The following PDZRN4 variants were observed in gnomAD, a reference collection of about 807,000 sequenced individuals.
PDZRN4 encodes the protein PDZ domain-containing RING finger protein 4.
Under a neutral mutation model 99.0 loss-of-function variants are expected in PDZRN4, and 70 were observed. The observed-to-expected ratio is 0.71, with a 90% CI of 0.58 to 0.86. The LOEUF (loss-of-function observed/expected upper bound fraction) is 0.86. Among genes scored for constraint, PDZRN4 ranks in the 40% least tolerant of loss-of-function variants. PDZRN4 has a pLI of 0.00. For missense variants in PDZRN4, 1,474 were observed against 1,331.2 expected (o/e 1.11, Z -1.67); for synonymous variants, 551 against 501.6 (o/e 1.10, Z -1.32).
intron 3 of PDZRN4, among the ~76,000 whole-genome samples, chr12:41,239,618 G>A (rs934090436): frequency 6.6e-6 from 1 of 152,164 alleles, no homozygotes; most frequent in African/African-American, 2.4e-5. Context: ...CCAGGTAAAA[G>A]GTGCCATATG....
intron 3 of PDZRN4, among the ~76,000 whole-genome samples, chr12:41,416,433 T>C (rs933086091): frequency 6.6e-6 from 1 of 152,000 alleles, no homozygotes; most frequent in Non-Finnish European, 1.5e-5. Flanking sequence ...TCACCTGAGG[T>C]CAGGAGTTTG....
chr12:41,474,408 A>C (rs918110934), intron 3 of PDZRN4, among the ~76,000 whole-genome samples: 2 of 152,234 alleles, frequency 1.3e-5, no homozygotes, highest in Non-Finnish European at 2.9e-5. Flanking sequence ...AAATGAATGC[A>C]TTTAAACTAC....
intron 3 of PDZRN4, among the ~76,000 whole-genome samples, chr12:41,284,643 T>C (rs1951410882): frequency 6.6e-6 from 1 of 152,088 alleles, no homozygotes; most frequent in Middle Eastern, 3.4e-3. Context: ...CATCATCGTA[T>C]TAGTACCAAA....
intron 7 of PDZRN4, among the ~76,000 whole-genome samples, chr12:41,559,096 C>G (rs1939220295): frequency 6.6e-6 from 1 of 152,148 alleles, no homozygotes; most frequent in Non-Finnish European, 1.5e-5. Context: ...GCCCTGCCCT[C>G]ACTGTGTAGC....
chr12:41,470,937 C>A (rs536136455), intron 3 of PDZRN4, among the ~76,000 whole-genome samples: 2 of 152,288 alleles, frequency 1.3e-5, no homozygotes, highest in African/African-American at 2.4e-5. Flanking sequence ...AGACAATAAA[C>A]AGCCTAGAAG....
chr12:41,512,241 A>T (rs1361076960), intron 5 of PDZRN4, among the ~76,000 whole-genome samples: 2 of 152,092 alleles, frequency 1.3e-5, no homozygotes, highest in East Asian at 3.9e-4. Context: ...GCATGGGATT[A>T]GGAAGCTCCT....
At chr12:41,343,335 CT>C (rs2121019373) in intron 3 of PDZRN4, among the ~76,000 whole-genome samples, 1 of 152,040 alleles carries the variant, frequency 6.6e-6, no homozygotes, top group South Asian at 2.1e-4. Flanking sequence ...AAACTTCTCT[CT>C]TCTTTTCTTG....
intron 3 of PDZRN4, among the ~76,000 whole-genome samples, chr12:41,432,564 T>A (rs539871170): frequency 6.0e-4 from 91 of 152,294 alleles, no homozygotes; most frequent in African/African-American, 2.2e-3. Context: ...ATTCTATGAG[T>A]TTTGGGGGCT....
At chr12:41,423,610 C>T (rs1048072853) in intron 3 of PDZRN4, among the ~76,000 whole-genome samples, 1 of 152,102 alleles carries the variant, frequency 6.6e-6, no homozygotes, top group African/African-American at 2.4e-5. Context: ...GGCATACTGT[C>T]ATAAAAATGT....
chr12:41,225,820 G>A (rs529936473), intron 3 of PDZRN4, among the ~76,000 whole-genome samples: 88 of 152,184 alleles, frequency 5.8e-4, no homozygotes, highest in African/African-American at 2.0e-3. Flanking sequence ...ACAGCTATAA[G>A]GTGTTGTAGG....
intron 3 of PDZRN4, chr12:41,410,071 T>C (rs560073849): frequency 1.3e-5 from 2 of 152,224 alleles, no homozygotes; most frequent in South Asian, 4.1e-4. Context: ...GACTTCAACA[T>C]ATTTTTTGGA....
chr12:41,191,998 G>A (rs1175333316), intron 2 of PDZRN4, among the ~76,000 whole-genome samples: 2 of 151,712 alleles, frequency 1.3e-5, no homozygotes, highest in East Asian at 3.9e-4. Context: ...GGCCAGGCTC[G>A]TTTTGAACTC....
At chr12:41,498,534 A>T (rs1255770352) in intron 3 of PDZRN4, among the ~76,000 whole-genome samples, 1 of 152,152 alleles carries the variant, frequency 6.6e-6, no homozygotes, top group African/African-American at 2.4e-5. Flanking sequence ...TTTGGGAAGG[A>T]GAGTAAACAC....
chr12:41,390,403 T>A (rs1210179956), intron 3 of PDZRN4, among the ~76,000 whole-genome samples: 1 of 152,072 alleles, frequency 6.6e-6, no homozygotes, highest in African/African-American at 2.4e-5. Context: ...GTCATTGTTG[T>A]TCTATTTTGT....
chr12:41,572,237 TA>T, intron 9 of PDZRN4, 126 bp from the exon 10 acceptor site: 1 of 722,530 alleles, frequency 1.4e-6, no homozygotes. Flanking sequence ...TGATGGACCC[TA>T]AATTAGAGCA....
chr12:41,461,004 G>T (rs1952867950), intron 3 of PDZRN4, among the ~76,000 whole-genome samples: 1 of 152,134 alleles, frequency 6.6e-6, no homozygotes. Flanking sequence ...CACAGCTTTA[G>T]CTTTTCCTCT....
intron 3 of PDZRN4, among the ~76,000 whole-genome samples, chr12:41,279,092 G>C (rs1951367636): frequency 6.6e-6 from 1 of 152,194 alleles, no homozygotes; most frequent in Non-Finnish European, 1.5e-5. Context: ...AAAGGGCACT[G>C]GGAAACCAGT....
At chr12:41,265,833 A>T (rs1359838057) in intron 3 of PDZRN4, among the ~76,000 whole-genome samples, 1 of 151,996 alleles carries the variant, frequency 6.6e-6, no homozygotes, top group African/African-American at 2.4e-5. Context: ...TACCATAAAA[A>T]TAAACACAGG....
At chr12:41,215,830 T>G (rs1424648982) in intron 3 of PDZRN4, among the ~76,000 whole-genome samples, 1 of 144,924 alleles carries the variant, frequency 6.9e-6, no homozygotes, top group East Asian at 2.1e-4. Context: ...AAAAGCCTCA[T>G]AAACACGCTA....
Sources: allele counts gnomAD v4.1 joint callset (sites outside exome capture counted in the v4.1 genomes callset), GRCh38; gene constraint gnomAD v4.1.1; transcripts MANE v1.5; gene names NCBI Gene and HGNC (gene_info 2026-07-23, HGNC 2026-07-21).